ATP5MC2: variants seen among roughly 807,000 people sequenced by gnomAD.
The protein encoded by ATP5MC2 is ATP synthase F(0) complex subunit C2, mitochondrial.
A neutral mutation model predicts 13.5 loss-of-function variants in ATP5MC2; 11 were observed. The ratio of observed to expected loss-of-function variants is 0.81; its 90% CI spans 0.51 to 1.35. ATP5MC2 has a LOEUF of 1.35. Among genes scored for constraint, ATP5MC2 ranks in the 40% most tolerant of loss-of-function variants. The pLI, the probability that ATP5MC2 is intolerant of heterozygous loss-of-function variation, is 0.00. For missense variants in ATP5MC2, 132 were observed against 175.0 expected, an observed-to-expected ratio of 0.75 and a Z score of 1.39; for synonymous variants, 64 against 69.7, an observed-to-expected ratio of 0.92 and a Z score of 0.41.
chr12:53,667,956 C>CACACATATATATATATAT (rs1390194186), intron 4 of ATP5MC2, among the ~76,000 whole-genome samples: 1 of 67,364 alleles, frequency 1.5e-5, no homozygotes, highest in Non-Finnish European at 3.1e-5. Flanking sequence ...CATACACACA[C>CACACATATATATATATAT]ATATATATAT....
At chr12:53,672,377 A>T (rs1164721882) in intron 2 of ATP5MC2, among the ~76,000 whole-genome samples, 199 bp downstream of exon 2, 1 of 152,020 alleles carries the variant, frequency 6.6e-6, no homozygotes, top group Non-Finnish European at 1.5e-5. Context: ...GCCCGCCACC[A>T]TGCCCAACTG....
intron 4 of ATP5MC2, among the ~76,000 whole-genome samples, chr12:53,667,929 A>C (rs1944965059): frequency 6.8e-6 from 1 of 146,244 alleles, no homozygotes; most frequent in African/African-American, 2.5e-5. Flanking sequence ...TGATATAAAC[A>C]TTCTAATACA....
upstream of ATP5MC2, chr12:53,677,175 C>A: frequency 6.5e-6 from 1 of 153,082 alleles, no homozygotes; most frequent in South Asian, 1.8e-4. Context: ...TGGCCCCGTC[C>A]TTCCCGCCGC....
intron 2 of ATP5MC2, chr12:53,670,158 G>A (rs1015238551): frequency 2.5e-5 from 15 of 599,480 alleles, no homozygotes; most frequent in Non-Finnish European, 4.7e-5. Flanking sequence ...CTCAGACTTT[G>A]CTTTAAGGAA....
At chr12:53,667,954 CACATATATATATATAT>C (rs1338425430) in intron 4 of ATP5MC2, among the ~76,000 whole-genome samples, 10 of 26,970 alleles carry the variant, frequency 3.7e-4, no homozygotes, top group South Asian at 3.6e-3. Context: ...TACATACACA[CACATATATATATATAT>C]ATATATATAT....
intron 1 of ATP5MC2, among the ~76,000 whole-genome samples, chr12:53,674,902 A>AG (rs1160644120): frequency 7.2e-5 from 11 of 152,208 alleles, no homozygotes; most frequent in African/African-American, 2.7e-4. Flanking sequence ...TAGAAAAAGA[A>AG]GGGGTGGTTC....
rs748717751 is a variant in ATP5MC2 at position 53,669,269 on chromosome 12, T to C, written c.190A>G (p.Ile64Val). The change falls in exon 4 of 5, where the codon ATT becomes GTT. Residue 64 changes from isoleucine to valine, a missense_variant. Coordinates refer to ENST00000394349, the MANE Select transcript of ATP5MC2 (RefSeq NM_005176.7). ...GCTGCTGTGTCGATGTCCCTTGAAA[T>C]GGCGCTGGTTTGGAAGCTGCGGCTA... The part of the protein sequence containing the change: ...VSSRSFQTSA[I>V]SRDIDTAAKF... 5.6e-6 allele frequency: 9 copies of C among 1,614,082 alleles called. No homozygotes were observed. Among genetic ancestry groups the C allele is most frequent in the East Asian group, 4.5e-5 (2 of 44,880 alleles).
Position 53,669,307 on chromosome 12 carries a change from G to A in ATP5MC2, c.152C>T (p.Thr51Ile). Residue 51 changes from threonine (T) to isoleucine (I), a missense_variant, in exon 4 of 5, where the codon ACC (threonine) becomes ATC (isoleucine). Physicochemically the swap from Thr to Ile is moderately conservative, Grantham distance 89. Coordinates refer to ENST00000394349, the MANE Select transcript of ATP5MC2 (RefSeq NM_005176.7). The stretch of plus-strand genomic sequence containing the variant: ...GAAGCTGCGGCTAGAGACAAGTGAG[G>A]TAAGGGGACATGAGACTGCCAAGCT... ...LSSLAVSCPLTSLVSSRSFQT... is the reference protein window; with the variant it reads ...LSSLAVSCPLISLVSSRSFQT... The A allele has an allele frequency of 6.2e-7, 1 of 1,614,144 alleles. No homozygotes were observed. The highest frequency in any genetic ancestry group is 8.5e-7 in the Non-Finnish European group (1 of 1,180,010).
chr12:53,667,956 C>CATACATATATATATATATAT (rs1944971986), intron 4 of ATP5MC2, among the ~76,000 whole-genome samples: 1 of 67,364 alleles, frequency 1.5e-5, no homozygotes, highest in Non-Finnish European at 3.1e-5. Flanking sequence ...CATACACACA[C>CATACATATATATATATATAT]ATATATATAT....
chr12:53,672,875 C>T, intron 1 of ATP5MC2: 1 of 500,550 alleles, frequency 2.0e-6, no homozygotes. Context: ...AACAAGTGAA[C>T]ACTTGGGTTC....
chr12:53,667,248 T>G (rs1206053036), intron 4 of ATP5MC2, among the ~76,000 whole-genome samples: 1 of 152,178 alleles, frequency 6.6e-6, no homozygotes, highest in Admixed American at 6.5e-5. Flanking sequence ...TATCCAGAGC[T>G]GGGAGTACTA....
Position 53,669,926 on chromosome 12 carries a change from A to G in ATP5MC2, c.62T>C (p.Leu21Pro). Residue 21 changes from leucine to proline, a missense_variant, in exon 3 of 5, where the codon CTG (leucine) becomes CCG (proline). Transcript: ENST00000394349. Reference sequence around the variant, plus strand: ...CACCACTGCAGATAGCGGACGGCTCAGCAGCTGTGAGGTGCTCTTGACCTA... The same window carrying G: ...CACCACTGCAGATAGCGGACGGCTCGGCAGCTGTGAGGTGCTCTTGACCTA... ...PSLVKSTSQL[L>P]SRPLSAVVLK... The G allele has an allele frequency of 6.2e-7, 1 of 1,614,102 alleles. No individual in the cohort carries two copies. The highest frequency in any genetic ancestry group is 2.2e-5 in the East Asian group (1 of 44,888).
At chr12:53,676,295 A>G (rs1945273132), upstream of ATP5MC2, 13 of 1,524,268 alleles carry the variant, frequency 8.5e-6, no homozygotes, top group Admixed American at 2.0e-5. Context: ...AATGAGGCCA[A>G]CTCCGCGGAG....
chr12:53,666,298 C>T (rs1593042367), intron 4 of ATP5MC2, among the ~76,000 whole-genome samples: 1 of 152,204 alleles, frequency 6.6e-6, no homozygotes, highest in East Asian at 1.9e-4. Context: ...ACAAAAATTG[C>T]TGGGCGCAGT....
chr12:53,677,826 C>T (rs1023801680), upstream of ATP5MC2, among the ~76,000 whole-genome samples: 5 of 152,216 alleles, frequency 3.3e-5, no homozygotes, highest in African/African-American at 1.2e-4. Context: ...AGGAGAAAGA[C>T]AGGCTAGCAA....
chr12:53,665,948 G>A (rs1219090784), intron 4 of ATP5MC2, among the ~76,000 whole-genome samples: 1 of 152,186 alleles, frequency 6.6e-6, no homozygotes, highest in Non-Finnish European at 1.5e-5. Context: ...TCTTCTAGAA[G>A]ACAAGAGTAA....
upstream of ATP5MC2, among the ~76,000 whole-genome samples, chr12:53,679,947 G>A (rs571410877): frequency 2.6e-4 from 39 of 152,146 alleles, no homozygotes; most frequent in Middle Eastern, 3.4e-3. Flanking sequence ...ATTTTTGCTG[G>A]GGAAGAACTT....
upstream of ATP5MC2, among the ~76,000 whole-genome samples, chr12:53,678,340 TCAC>T (rs374475099): frequency 0.15 from 23,292 of 151,368 alleles, 2,156 homozygotes; most frequent in East Asian, 0.34. Context: ...ATCATCATCG[TCAC>T]CACCACCACC....
intron 1 of ATP5MC2, among the ~76,000 whole-genome samples, chr12:53,674,319 G>A (rs1945201666): frequency 1.3e-5 from 2 of 152,320 alleles, no homozygotes; most frequent in Non-Finnish European, 2.9e-5. Context: ...TCCAGTATGG[G>A]CAACAACGTG....
Sources: gnomAD v4.1 joint callset for allele counts (sites outside exome capture counted in the v4.1 genomes callset) on GRCh38, gnomAD v4.1.1 for gene constraint, MANE v1.5 for transcripts, NCBI Gene and HGNC (gene_info 2026-07-23, HGNC 2026-07-21) for gene names.